CTNND2: variants seen among roughly 807,000 people sequenced by gnomAD.
CTNND2 encodes catenin delta 2.
Under a neutral mutation model 144.4 loss-of-function variants are expected in CTNND2, and 22 were observed. That is an observed-to-expected ratio of 0.15 (90% CI 0.11 to 0.22). The LOEUF (loss-of-function observed/expected upper bound fraction) is 0.22. Among genes scored for constraint, CTNND2 ranks in the 10% least tolerant of loss-of-function variants. The pLI is 1.00. For missense variants in CTNND2, 1,353 were observed against 1,618.8 expected, an observed-to-expected ratio of 0.84 and a Z score of 2.82; for synonymous variants, 751 against 695.6, an observed-to-expected ratio of 1.08 and a Z score of -1.25.
chr5:11,441,098 G>GA (rs1764219023), intron 3 of CTNND2, among the ~76,000 whole-genome samples: 1 of 152,072 alleles, frequency 6.6e-6, no homozygotes, highest in Non-Finnish European at 1.5e-5. Context: ...TTTAAAGAAT[G>GA]ATAGTTTTGA....
At chr5:11,748,716 A>T (rs563396217) in intron 1 of CTNND2, among the ~76,000 whole-genome samples, 1 of 152,054 alleles carries the variant, frequency 6.6e-6, no homozygotes, top group South Asian at 2.1e-4. Flanking sequence ...TCTCACCTGC[A>T]TTTATATCTT....
At chr5:11,266,470 G>T (rs1439332292) in intron 9 of CTNND2, among the ~76,000 whole-genome samples, 2 of 152,178 alleles carry the variant, frequency 1.3e-5, no homozygotes, top group Non-Finnish European at 2.9e-5. Flanking sequence ...AGTTAAATGG[G>T]TTAATTAGTC....
chr5:11,384,946 G>A lies in CTNND2; in HGVS notation c.896C>T (p.Ser299Leu). ...CAGGCGGCTGGGCGACTGCTTGGGC[G>A]AGGAGCCGCGCGGCGCGGCGTAGGT... ...GATYAAPRGSSPKQSPSRLAK... is the reference protein window; with the variant it reads ...GATYAAPRGSLPKQSPSRLAK... Residue 299 changes from serine to leucine, a missense_variant, in exon 7 of 22, where the codon TCG becomes TTG. Physicochemically the swap from Ser to Leu is moderately radical, Grantham distance 145. Around this residue, in one of 4 missense-constraint regions of CTNND2, gnomAD observed 708 missense variants for 706.4 expected, o/e 1.00. Transcript: ENST00000304623. This position sits in a 1 kb window ranked among gnomAD's most constrained non-coding sequence, Gnocchi z 5.2. The A allele has an allele frequency of 6.3e-7, 1 of 1,582,580 alleles. No individual in the cohort carries two copies.
chr5:11,481,011 A>G (rs1161664413), intron 3 of CTNND2, among the ~76,000 whole-genome samples: 4 of 152,164 alleles, frequency 2.6e-5, no homozygotes, highest in African/African-American at 9.7e-5. Context: ...AACTGGAAAA[A>G]GTTAAAAAAG....
At chr5:11,698,257 T>C (rs1472906030) in intron 2 of CTNND2, among the ~76,000 whole-genome samples, 5 of 152,058 alleles carry the variant, frequency 3.3e-5, no homozygotes, top group Non-Finnish European at 7.3e-5. Context: ...GATAAATAAT[T>C]GTATTTCTTG....
chr5:11,335,750 TC>T (rs1212346165), intron 9 of CTNND2, among the ~76,000 whole-genome samples: 5 of 152,210 alleles, frequency 3.3e-5, no homozygotes, highest in African/African-American at 1.2e-4. Context: ...CAGAGCCTAC[TC>T]CCTTTGCAAA....
chr5:11,753,666 C>T (rs1245990789), intron 1 of CTNND2, among the ~76,000 whole-genome samples: 4 of 151,824 alleles, frequency 2.6e-5, no homozygotes, highest in Non-Finnish European at 5.9e-5. Flanking sequence ...GTTTTGCTAT[C>T]AGGATGATGC....
intron 3 of CTNND2, among the ~76,000 whole-genome samples, chr5:11,543,661 A>G (rs1019111046): frequency 6.6e-6 from 1 of 151,176 alleles, no homozygotes; most frequent in African/African-American, 2.4e-5. Context: ...AACCTACAGC[A>G]GTTCTTTTAA....
At chr5:11,034,486 G>A (rs896072813) in intron 16 of CTNND2, among the ~76,000 whole-genome samples, 1 of 152,058 alleles carries the variant, frequency 6.6e-6, no homozygotes, top group Non-Finnish European at 1.5e-5. Context: ...TAAACACATA[G>A]GCACACACAT....
intron 16 of CTNND2, among the ~76,000 whole-genome samples, chr5:11,055,399 A>T (rs1746253888): frequency 6.6e-6 from 1 of 152,182 alleles, no homozygotes; most frequent in African/African-American, 2.4e-5. Context: ...GACATGGCAT[A>T]AACCAAACTT....
intron 2 of CTNND2, among the ~76,000 whole-genome samples, chr5:11,641,311 A>G (rs1357275383): frequency 3.9e-5 from 6 of 152,122 alleles, no homozygotes; most frequent in Non-Finnish European, 7.4e-5. Context: ...CCATGAACAC[A>G]GTAGAAACAT....
intron 18 of CTNND2, among the ~76,000 whole-genome samples, chr5:11,001,769 C>A (rs1028082999): frequency 2.0e-5 from 3 of 152,196 alleles, no homozygotes; most frequent in African/African-American, 4.8e-5. Flanking sequence ...TAGTACCTAA[C>A]AACAATCACA....
At chr5:11,233,421 G>A (rs1339991846) in intron 10 of CTNND2, among the ~76,000 whole-genome samples, 1 of 152,172 alleles carries the variant, frequency 6.6e-6, no homozygotes, top group Non-Finnish European at 1.5e-5. Context: ...TCGTTCAATG[G>A]CCTACCCATT....
intron 2 of CTNND2, among the ~76,000 whole-genome samples, chr5:11,726,522 A>G (rs1787028498): frequency 1.3e-5 from 2 of 152,202 alleles, no homozygotes; most frequent in Admixed American, 6.5e-5. Flanking sequence ...AATGTTTTAA[A>G]CTTTTACACA....
intron 1 of CTNND2, among the ~76,000 whole-genome samples, chr5:11,793,518 T>C (rs1173352227): frequency 1.3e-5 from 2 of 152,172 alleles, no homozygotes; most frequent in African/African-American, 4.8e-5. Context: ...TAAACCAATA[T>C]GACAGATGTC....
At chr5:11,582,228 G>C (rs1055522509) in intron 2 of CTNND2, among the ~76,000 whole-genome samples, 1 of 152,164 alleles carries the variant, frequency 6.6e-6, no homozygotes, top group African/African-American at 2.4e-5. Context: ...TTTTAATTTT[G>C]CAGTTATGGA....
intron 1 of CTNND2, among the ~76,000 whole-genome samples, chr5:11,857,630 G>A (rs917970509): frequency 6.6e-6 from 1 of 152,168 alleles, no homozygotes; most frequent in Non-Finnish European, 1.5e-5. Flanking sequence ...TCAATAAGCA[G>A]AAGAGCTGAT....
At chr5:11,363,238 A>G (rs959891359) in intron 8 of CTNND2, among the ~76,000 whole-genome samples, 2 of 152,186 alleles carry the variant, frequency 1.3e-5, no homozygotes, top group African/African-American at 2.4e-5. Flanking sequence ...TAGATGAATT[A>G]AAGTTTTTTT....
intron 16 of CTNND2, among the ~76,000 whole-genome samples, chr5:11,033,735 C>T (rs1743751927): frequency 6.6e-6 from 1 of 152,056 alleles, no homozygotes; most frequent in Non-Finnish European, 1.5e-5. Flanking sequence ...GAGGTTGAGG[C>T]AGGAGAATCG....
Sources: allele counts gnomAD v4.1 joint callset (sites outside exome capture counted in the v4.1 genomes callset), GRCh38; gene constraint gnomAD v4.1.1; regional missense constraint gnomAD v4.1.1; non-coding constraint Gnocchi (gnomAD v3.1); transcripts MANE v1.5; gene names NCBI Gene and HGNC (gene_info 2026-07-23, HGNC 2026-07-21).